SIGLEC7: variants seen among roughly 807,000 people sequenced by gnomAD.
The protein encoded by SIGLEC7 is sialic acid binding Ig like lectin 7, also known as sialic acid-binding Ig-like lectin 7.
In SIGLEC7, 33 loss-of-function variants were observed where a neutral mutation model predicts 40.8. That is an observed-to-expected ratio of 0.81 (90% CI 0.61 to 1.08). SIGLEC7 has a LOEUF of 1.08. SIGLEC7 is among the 50% of genes least tolerant of loss of function. The pLI is 0.00. For synonymous variants in SIGLEC7, 242 were observed against 237.6 expected (o/e 1.02, Z -0.17); for missense variants, 513 against 576.1 (o/e 0.89, Z 1.12).
chr19:51,147,361 A>C, intron 6 of SIGLEC7, 44 bp downstream of exon 6: 1 of 1,532,796 alleles, frequency 6.5e-7, no homozygotes, highest in East Asian at 2.4e-5. Flanking sequence ...CAGCTGGGAC[A>C]TCTCCCACAG....
At chr19:51,144,860 C>G (rs766891546) in intron 2 of SIGLEC7, 52 bp from the exon 3 acceptor site, 4 of 1,590,316 alleles carry the variant, frequency 2.5e-6, no homozygotes, top group Non-Finnish European at 3.5e-6. Context: ...GAGACAGGGC[C>G]AGTGTCCCCA....
rs1234646109 is a variant in SIGLEC7 at position 51,142,632 on chromosome 19, AG to A, written c.265del (p.Glu89ArgfsTer20). On this transcript the variant is annotated frameshift_variant, in exon 1 of 7. Coordinates refer to ENST00000317643, the MANE Select transcript of SIGLEC7 (RefSeq NM_014385.4). LOFTEE classifies it high-confidence loss of function. This position sits in a 1 kb window ranked among gnomAD's most constrained non-coding sequence, Gnocchi z 5.0. The part of the protein sequence containing the change: ...VATNNPAWAV[Q>X]EETRDRFHLL... ...ACAAACAACCCAGCTTGGGCAGTGC[AG>A]GAGGAAACTCGGGACCGATTCCACC... The A allele has an allele frequency of 6.2e-7, 1 of 1,614,196 alleles. No individual in the cohort carries two copies. Among genetic ancestry groups the A allele is most frequent in the South Asian group, 1.1e-5 (1 of 91,088 alleles).
chr19:51,142,823 G>A lies in SIGLEC7; in HGVS notation c.433+21G>A. On this transcript the variant is annotated intron_variant, in intron 1 of 6. Coordinates refer to ENST00000317643, the MANE Select transcript of SIGLEC7 (RefSeq NM_014385.4). The surrounding 1 kb of genome is among the most constrained non-coding windows in gnomAD (Gnocchi z 5.0). ...GACAGGTAAGGCACGGGCTCCAAGA[G>A]AGGCCAAAGGCAAATGTGATGAGGG... The A allele has an allele frequency of 6.4e-7, 1 of 1,565,336 alleles. No homozygotes were observed. The highest frequency in any genetic ancestry group is 1.2e-5 in the South Asian group (1 of 81,740).
chr19:51,146,003 T>G lies in SIGLEC7; in HGVS notation c.909T>G (p.Pro303=). Residue 303 remains proline, a synonymous_variant, in exon 4 of 7, where the codon CCT becomes CCG. Transcript: ENST00000317643. Reference sequence around the variant, plus strand: ...TGTACCCCTCACAGCCCTCAAACCCTCTGGTACTGGAGCTGCAAGTGCACC... The same window carrying G: ...TGTACCCCTCACAGCCCTCAAACCCGCTGGTACTGGAGCTGCAAGTGCACC... The part of the protein sequence containing the change: ...LTLYPSQPSN[P]LVLELQVHLG... The G allele has an allele frequency of 6.2e-7, 1 of 1,614,072 alleles. No homozygotes were observed. Among genetic ancestry groups the G allele is most frequent in the Admixed American group, 1.7e-5 (1 of 60,020 alleles).
chr19:51,144,317 A>C, intron 1 of SIGLEC7, 89 bp from the exon 2 acceptor site: 1 of 1,515,428 alleles, frequency 6.6e-7, no homozygotes, highest in African/African-American at 1.4e-5. Flanking sequence ...AGTTGGGCTC[A>C]GGGCAGAAGC....
intron 2 of SIGLEC7, 78 bp downstream of exon 2, chr19:51,144,762 G>A: frequency 3.8e-6 from 6 of 1,583,158 alleles, no homozygotes; most frequent in East Asian, 2.2e-5. Flanking sequence ...GTCAGGGCTC[G>A]ACACTGGGTG....
rs758371742 is a variant in SIGLEC7, at chr19:51,142,407, G to A, written c.38G>A (p.Arg13Lys). 1.9e-6 allele frequency: 3 copies of A among 1,614,098 alleles called. No homozygotes were observed. The South Asian group carries it at 3.3e-5, about 18-fold the overall frequency. Reference protein sequence around the residue: ...LLLLLPLLWGRERVEGQKSNR... With the variant: ...LLLLLPLLWGKERVEGQKSNR... ...CTGCTGCTGCCCCTGCTCTGGGGGA[G>A]GGAGAGGGTGGAAGGACAGAAGAGT... The change falls in exon 1 of 7, where the codon AGG (arginine) becomes AAG (lysine). Residue 13 changes from arginine (R) to lysine (K), a missense_variant. Coordinates refer to ENST00000317643, the MANE Select transcript of SIGLEC7 (RefSeq NM_014385.4). The surrounding 1 kb of genome is among the most constrained non-coding windows in gnomAD (Gnocchi z 5.0).
intron 6 of SIGLEC7, among the ~76,000 whole-genome samples, chr19:51,148,967 T>C (rs1386894741): frequency 6.6e-6 from 1 of 152,228 alleles, no homozygotes; most frequent in Non-Finnish European, 1.5e-5. Context: ...CATATGTCTG[T>C]TGGCCAAAAA....
intron 4 of SIGLEC7, 61 bp downstream of exon 4, chr19:51,146,182 C>T: frequency 6.4e-7 from 1 of 1,574,676 alleles, no homozygotes. Flanking sequence ...GGGCCACCCA[C>T]TGCCCCTGAG....
At chr19:51,149,223 A>G (rs74387213) in intron 6 of SIGLEC7, among the ~76,000 whole-genome samples, 27 of 152,332 alleles carry the variant, frequency 1.8e-4, no homozygotes, top group African/African-American at 6.3e-4. Flanking sequence ...TTGTCAGGAA[A>G]TCTTTGCCTG....
In SIGLEC7 at chr19:51,146,261, C is replaced by T. The variant is rs112880555; in HGVS notation, c.1027+140C>T. On this transcript the variant is annotated intron_variant, in intron 4 of 6. Transcript: ENST00000317643. ...CCTGGAACTTCCCTGCAACCCAGGG[C>T]ACTGCTGTCCTCTTCCTGCCAGGAA... is the stretch of plus-strand genomic sequence containing the variant. The T allele has an allele frequency of 1.9e-5, 21 of 1,125,116 alleles. No individual in the cohort carries two copies. The African/African-American group carries it at 1.9e-4, about 10-fold the overall frequency. 69.7% of individuals were successfully genotyped at this position (1,125,116 alleles called of 1,614,324 possible).
At chr19:51,144,037 G>A in intron 1 of SIGLEC7, 1 of 563,616 alleles carries the variant, frequency 1.8e-6, no homozygotes, top group Non-Finnish European at 3.5e-6. Flanking sequence ...GAAAAGTGCA[G>A]GAGACACGGG....
chr19:51,146,685 A>G (rs2092110224), intron 4 of SIGLEC7, 69 bp from the exon 5 acceptor site: 1 of 1,381,178 alleles, frequency 7.2e-7, no homozygotes, highest in Non-Finnish European at 1.0e-6. Context: ...GGGGCCTTAT[A>G]GGAAGTGGGA....
At chr19:51,146,327 G>C (rs2122898797) in intron 4 of SIGLEC7, among the ~76,000 whole-genome samples, 1 of 152,308 alleles carries the variant, frequency 6.6e-6, no homozygotes, top group Middle Eastern at 3.4e-3. Context: ...GGGTCTTGGA[G>C]GGGAGGAGCT....
At chr19:51,147,510 G>C (rs1416672173) in intron 6 of SIGLEC7, among the ~76,000 whole-genome samples, 193 bp downstream of exon 6, 2 of 152,012 alleles carry the variant, frequency 1.3e-5, no homozygotes, top group Non-Finnish European at 2.9e-5. Context: ...CTTTCTCTCG[G>C]GCCAGGCATG....
At chr19:51,149,042 T>C (rs1349178139) in intron 6 of SIGLEC7, among the ~76,000 whole-genome samples, 2 of 152,362 alleles carry the variant, frequency 1.3e-5, no homozygotes, top group East Asian at 3.9e-4. Context: ...TTTGTTTAAG[T>C]TCCTTATAGA....
Position 51,144,656 on chromosome 19 carries a change from G to A in SIGLEC7, c.684G>A (p.Thr228=), listed in dbSNP as rs367577316. 9.9e-6 allele frequency: 16 copies of A among 1,613,692 alleles called. No individual in the cohort carries two copies. The highest frequency in any genetic ancestry group is 4.5e-5 in the East Asian group (2 of 44,870). ...QVTLPGAGVT[T]NRTIQLNVSY... ...CCTTGCCTGGGGCCGGCGTGACCAC[G>A]AACAGGACCATCCAACTCAATGTGT... The change falls in exon 2 of 7, where the codon ACG becomes ACA. Residue 228 remains threonine, a synonymous_variant. Transcript: ENST00000317643.
At chr19:51,147,394 C>A in intron 6 of SIGLEC7, 77 bp downstream of exon 6, 1 of 1,246,964 alleles carries the variant, frequency 8.0e-7, no homozygotes, top group South Asian at 1.3e-5. Context: ...GATTTCTCTG[C>A]TTATCATGGC....
At chr19:51,148,537 C>A (rs1599834020) in intron 6 of SIGLEC7, among the ~76,000 whole-genome samples, 1 of 152,194 alleles carries the variant, frequency 6.6e-6, no homozygotes, top group South Asian at 2.1e-4. Context: ...TTTATGGCTG[C>A]ACAGTATTCC....
Sources: gnomAD v4.1 joint callset for allele counts (sites outside exome capture counted in the v4.1 genomes callset) on GRCh38, gnomAD v4.1.1 for gene constraint, Gnocchi (gnomAD v3.1) non-coding constraint, MANE v1.5 for transcripts, NCBI Gene and HGNC (gene_info 2026-07-23, HGNC 2026-07-21) for gene names.